Variants in WNK4 observed in about 807,000 individuals in gnomAD.
WNK4 encodes the protein serine/threonine-protein kinase WNK4.
In WNK4, 94 loss-of-function variants were observed where a neutral mutation model predicts 116.2. The ratio of observed to expected loss-of-function variants is 0.81; its 90% CI spans 0.68 to 0.96. The LOEUF (loss-of-function observed/expected upper bound fraction) is 0.96. Ranked by LOEUF, WNK4 falls within the 40% of genes least tolerant of loss-of-function variation. The probability of loss-of-function intolerance (pLI) is 0.00; values close to 1 mark genes in which losing one functional copy is unlikely to be tolerated. For missense variants in WNK4, 1,542 were observed against 1,650.6 expected (o/e 0.93, Z 1.14); for synonymous variants, 655 against 672.7 (o/e 0.97, Z 0.41).
At chr17:42,793,257 C>T (rs61755612) in intron 11 of WNK4, among the ~76,000 whole-genome samples, 1 of 152,128 alleles carries the variant, frequency 6.6e-6, no homozygotes, top group African/African-American at 2.4e-5. Flanking sequence ...CTCGCTCAGT[C>T]GTCCAGGCTG....
At chr17:42,792,510 C>T (rs975891913) in intron 11 of WNK4, among the ~76,000 whole-genome samples, 8 of 152,164 alleles carry the variant, frequency 5.3e-5, no homozygotes, top group African/African-American at 1.9e-4. Flanking sequence ...AAATCTGAAA[C>T]TCTGTACCCA....
chr17:42,781,749 C>G (rs1027695019), intron 1 of WNK4, among the ~76,000 whole-genome samples: 1 of 152,118 alleles, frequency 6.6e-6, no homozygotes, highest in African/African-American at 2.4e-5. Flanking sequence ...GACCAGGAGG[C>G]TGGGATGCGG....
At chr17:42,785,070 G>A (rs1424432261) in intron 4 of WNK4, 27 bp from the exon 5 acceptor site, 1 of 1,604,406 alleles carries the variant, frequency 6.2e-7, no homozygotes, top group Non-Finnish European at 8.5e-7. Flanking sequence ...TCAGAGGACG[G>A]GAGGTGTCAT....
At chr17:42,788,546 A>G in intron 10 of WNK4, 135 bp from the exon 11 acceptor site, 2 of 1,172,028 alleles carry the variant, frequency 1.7e-6, no homozygotes, top group African/African-American at 1.5e-5. Flanking sequence ...CTGGTTTCTA[A>G]TACCAGACTT....
rs1380022262 is a variant in WNK4 at position 42,780,620 on chromosome 17, G to T, written c.-79G>T. The T allele has an allele frequency of 1.9e-6, 3 of 1,570,166 alleles. No individual in the cohort carries two copies. Among genetic ancestry groups the T allele is most frequent in the East Asian group, 4.6e-5 (2 of 43,208 alleles). On this transcript the variant is annotated 5_prime_UTR_variant, in exon 1 of 19. Coordinates refer to ENST00000246914, the MANE Select transcript of WNK4 (RefSeq NM_032387.5). ...CGCAGCCGCTCAGCCGGAGCGCAGC[G>T]CACCCAGCGAGTCCGTCTGTCAGGC...
Position 42,788,371 on chromosome 17 carries a change from C to G in WNK4, c.2004C>G (p.Leu668=). The G allele has an allele frequency of 6.2e-7, 1 of 1,613,330 alleles. No individual in the cohort carries two copies. Among genetic ancestry groups the G allele is most frequent in the Non-Finnish European group, 8.5e-7 (1 of 1,180,026 alleles). The change falls in exon 10 of 19, where the codon CTC becomes CTG. Residue 668 remains leucine, a synonymous_variant. Transcript: ENST00000246914. ...GQMRRPPGRN[L]RRRPRSRLRV... ...TGAGGAGACCCCCAGGGAGGAATCT[C>G]CGGCGCAGACCCCGATCCCGGCTGC... is the stretch of plus-strand genomic sequence containing the variant.
In WNK4 at chr17:42,795,709, C is replaced by T; in HGVS notation, c.3107C>T (p.Pro1036Leu). Residue 1036 changes from proline to leucine, a missense_variant, in exon 16 of 19, where the codon CCC (proline) becomes CTC (leucine). This residue lies in a region of WNK4 where 292 missense variants were observed against 290.1 expected (regional missense o/e 1.01). Transcript: ENST00000246914. ...AEPLPLQPTS[P>L]TLSGSPKPST... Reference sequence around the variant, plus strand: ...CCTCTTCCCTTGCAGCCAACATCCCCCACTCTCTCTGGTTCTCCAAAACCT... The same window carrying T: ...CCTCTTCCCTTGCAGCCAACATCCCTCACTCTCTCTGGTTCTCCAAAACCT... The T allele has an allele frequency of 1.2e-6, 2 of 1,613,472 alleles. No homozygotes were observed. The highest frequency in any genetic ancestry group is 2.2e-5 in the South Asian group (2 of 91,092).
chr17:42,780,851 G>A lies in WNK4; in HGVS notation c.153G>A (p.Glu51=). 1.2e-6 allele frequency: 2 copies of A among 1,602,528 alleles called. No individual in the cohort carries two copies. Among genetic ancestry groups the A allele is most frequent in the Non-Finnish European group, 1.7e-6 (2 of 1,178,806 alleles). ...CGCGCCGCTTCTCCGGGAAGGCTGA[G>A]CCCCGGCCGCGCTCTTCTCGTCTCA... ...RRARRFSGKA[E]PRPRSSRLSR... is the part of the protein sequence containing the mutation. Residue 51 remains glutamate (E), a synonymous_variant, in exon 1 of 19, where the codon GAG becomes GAA. Coordinates refer to ENST00000246914, the MANE Select transcript of WNK4 (RefSeq NM_032387.5).
intron 11 of WNK4, among the ~76,000 whole-genome samples, chr17:42,790,268 C>T (rs1425201019): frequency 2.0e-5 from 3 of 152,070 alleles, no homozygotes; most frequent in African/African-American, 4.8e-5. Context: ...ATAGTAGATG[C>T]TCAATAAATA....
rs1232592239 is a variant in WNK4, at chr17:42,784,956, T to A, written c.1171-141T>A. 2.6e-6 allele frequency: 2 copies of A among 763,098 alleles called. No individual in the cohort carries two copies. The highest frequency in any genetic ancestry group is 1.9e-5 in the African/African-American group (1 of 52,360). 47.3% of individuals were successfully genotyped at this position (763,098 alleles called of 1,614,324 possible). On this transcript the variant is annotated intron_variant, in intron 4 of 18. Transcript: ENST00000246914. This position sits in a 1 kb window ranked among gnomAD's most constrained non-coding sequence, Gnocchi z 4.4. ...GGGGGGCGGGGATTAGGATTTGAAATCACATCTTCCAGTAGCAGTCAGGCT... is the reference window on the plus strand; with the variant it reads ...GGGGGGCGGGGATTAGGATTTGAAAACACATCTTCCAGTAGCAGTCAGGCT...
chr17:42,780,812 C>T lies in WNK4; in HGVS notation c.114C>T (p.Pro38=), dbSNP rs1469030487. 1 of 1,601,982 alleles carries T rather than the reference C, an allele frequency of 6.2e-7. No individual in the cohort carries two copies. Among genetic ancestry groups the T allele is most frequent in the Non-Finnish European group, 8.5e-7 (1 of 1,178,032 alleles). The part of the protein sequence containing the change: ...LGTAGQPRLG[P]PPRRARRFSG... The stretch of plus-strand genomic sequence containing the variant: ...CCGCGGGGCAGCCCCGCCTCGGGCC[C>T]CCTCCTCGCCGAGCGCGCCGCTTCT... Residue 38 remains proline (P), a synonymous_variant, in exon 1 of 19, where the codon CCC becomes CCT. Coordinates refer to ENST00000246914, the MANE Select transcript of WNK4 (RefSeq NM_032387.5).
chr17:42,796,176 A>T lies in WNK4; in HGVS notation c.3485A>T (p.Asp1162Val), dbSNP rs777615590. ...ACACTACAGAAAAAAGAAATTGAAG[A>T]TTTGTACAGCCGGCTGGGGAAGCAG... ...LQTLQKKEIE[D>V]LYSRLGKQPP... is the part of the protein sequence containing the mutation. Residue 1162 changes from aspartate (D) to valine (V), a missense_variant, in exon 17 of 19, where the codon GAT (aspartate) becomes GTT (valine). Physicochemically the swap from Asp to Val is radical, Grantham distance 152. Around this residue, in one of 7 missense-constraint regions of WNK4, gnomAD observed 148 missense variants for 157.2 expected, o/e 0.94. Transcript: ENST00000246914. 1 of 1,613,992 alleles carries T rather than the reference A, an allele frequency of 6.2e-7. No homozygotes were observed. The highest frequency in any genetic ancestry group is 1.1e-5 in the South Asian group (1 of 91,076).
rs760305104 is a variant in WNK4 at position 42,796,734 on chromosome 17, T to G, written c.*46T>G. On this transcript the variant is annotated 3_prime_UTR_variant, in exon 19 of 19. Coordinates refer to ENST00000246914, the MANE Select transcript of WNK4 (RefSeq NM_032387.5). ...ATCTCCCCCACACCAGGGCCCACCA[T>G]GGAGCTTGTGTTCTCAGAATCTGAT... 2 of 1,614,206 alleles carry G rather than the reference T, an allele frequency of 1.2e-6. No homozygotes were observed. The highest frequency in any genetic ancestry group is 2.2e-5 in the South Asian group (2 of 91,084).
In WNK4 at chr17:42,785,871, T is replaced by C. The variant is rs147691870; in HGVS notation, c.1476+389T>C. On this transcript the variant is annotated intron_variant, in intron 6 of 18. Coordinates refer to ENST00000246914, the MANE Select transcript of WNK4 (RefSeq NM_032387.5). Reference sequence around the variant, plus strand: ...TTTGGAGTCAAACTTAAATGCTTCTTTCCACTTCAGCATGTTCTCGGTTAC... The same window carrying C: ...TTTGGAGTCAAACTTAAATGCTTCTCTCCACTTCAGCATGTTCTCGGTTAC... Among the ~76,000 whole-genome samples, 252 of 152,294 alleles carry C rather than the reference T, an allele frequency of 1.7e-3. 2 individuals are homozygous for C. Among genetic ancestry groups the C allele is most frequent in the African/African-American group, 5.9e-3 (247 of 41,566 alleles).
In WNK4 at chr17:42,793,658, C is replaced by G. The variant is rs189584917; in HGVS notation, c.2224C>G (p.Gln742Glu). 884 of 1,614,042 alleles carry G rather than the reference C, an allele frequency of 5.5e-4. 12 individuals are homozygous for G. In the Admixed American group the frequency reaches 0.014, roughly 26 times the overall value. Residue 742 changes from glutamine to glutamate, a missense_variant, in exon 12 of 19, where the codon CAG becomes GAG. By Grantham distance (29) the Gln-to-Glu change is conservative. Transcript: ENST00000246914. ...GFLRRIREII[Q>E]RVETLLKRDT... ...TCTCAGACGGATTCGGGAGATTATC[C>G]AGCGAGTGGAGACCCTGTTGAAGAG...
chr17:42,794,432 A>G, intron 12 of WNK4, 182 bp from the exon 13 acceptor site: 1 of 660,552 alleles, frequency 1.5e-6, no homozygotes, highest in Non-Finnish European at 2.7e-6. Context: ...ACTTAAGAGT[A>G]AGTTGCAGAC....
At position 42,784,437 on chromosome 17, in the gene WNK4, T is replaced by A. The variant is rs1315091436; in HGVS notation, c.1028T>A (p.Met343Lys). Residue 343 changes from methionine (M) to lysine (K), a missense_variant, in exon 4 of 19, where the codon ATG becomes AAG. Around this residue, in one of 7 missense-constraint regions of WNK4, gnomAD observed 808 missense variants for 873.6 expected, o/e 0.92. Transcript: ENST00000246914. This position sits in a 1 kb window ranked among gnomAD's most constrained non-coding sequence, Gnocchi z 4.4. Reference sequence around the variant, plus strand: ...GACCCTACAGGGACCCCGGAATTCATGGCCCCCGAGATGTACGAGGAAAAG... The same window carrying A: ...GACCCTACAGGGACCCCGGAATTCAAGGCCCCCGAGATGTACGAGGAAAAG... The part of the protein sequence containing the change: ...AKSVIGTPEF[M>K]APEMYEEKYD... 6.2e-7 allele frequency: 1 copy of A among 1,613,624 alleles called. No individual in the cohort carries two copies. The highest frequency in any genetic ancestry group is 2.2e-5 in the East Asian group (1 of 44,848).
chr17:42,785,170 C>G lies in WNK4; in HGVS notation c.1244C>G (p.Thr415Arg). 1 of 1,613,870 alleles carries G rather than the reference C, an allele frequency of 6.2e-7. No homozygotes were observed. The highest frequency in any genetic ancestry group is 8.5e-7 in the Non-Finnish European group (1 of 1,179,940). ...GAGATCATTGAAGGCTGCATCCGCA[C>G]GGATAAGAACGAGAGGTGGGGGTGA... ...VKEIIEGCIRTDKNERFTIQD... is the reference protein window; with the variant it reads ...VKEIIEGCIRRDKNERFTIQD... The change falls in exon 5 of 19, where the codon ACG becomes AGG. Residue 415 changes from threonine to arginine, a missense_variant. This residue lies in a region of WNK4 where 808 missense variants were observed against 873.6 expected (regional missense o/e 0.92). Coordinates refer to ENST00000246914, the MANE Select transcript of WNK4 (RefSeq NM_032387.5).
Position 42,795,634 on chromosome 17 carries a change from C to T in WNK4, c.3032C>T (p.Pro1011Leu), listed in dbSNP as rs61755628. The T allele has an allele frequency of 2.3e-4, 365 of 1,613,682 alleles. No homozygotes were observed. The highest frequency in any genetic ancestry group is 3.0e-4 in the Non-Finnish European group (349 of 1,180,048). The change falls in exon 16 of 19, where the codon CCG becomes CTG. Residue 1011 changes from proline (P) to leucine (L), a missense_variant. Pro to Leu is a moderately conservative substitution (Grantham distance 98). Around this residue, in one of 7 missense-constraint regions of WNK4, gnomAD observed 292 missense variants for 290.1 expected, o/e 1.01. Transcript: ENST00000246914. ...RLAPISEEGK[P>L]QLVGRFQVTS... ...CCTCGTCGCCCTACAGAGGGAAAGC[C>T]GCAGCTTGTTGGGCGTTTCCAAGTG... is the stretch of plus-strand genomic sequence containing the variant.
Sources: gnomAD v4.1 joint callset for allele counts (sites outside exome capture counted in the v4.1 genomes callset) on GRCh38, gnomAD v4.1.1 for gene constraint, gnomAD v4.1.1 regional missense constraint, Gnocchi (gnomAD v3.1) non-coding constraint, MANE v1.5 for transcripts, NCBI Gene and HGNC (gene_info 2026-07-23, HGNC 2026-07-21) for gene names.